COL10A1: variants seen among roughly 807,000 people sequenced by gnomAD.
COL10A1 encodes the protein collagen alpha-1(X) chain.
A neutral mutation model predicts 18.2 loss-of-function variants in COL10A1; 10 were observed. That is an observed-to-expected ratio of 0.55 (90% CI 0.34 to 0.93). The LOEUF (loss-of-function observed/expected upper bound fraction) is 0.93. Among genes scored for constraint, COL10A1 ranks in the 40% least tolerant of loss-of-function variants. COL10A1 has a pLI of 0.02. For missense variants in COL10A1, 897 were observed against 853.5 expected (o/e 1.05, Z -0.64); for synonymous variants, 330 against 316.6 (o/e 1.04, Z -0.45).
chr6:116,163,141 A>AAAAAAATATAT (rs761718922), upstream of COL10A1, among the ~76,000 whole-genome samples: 61 of 88,384 alleles, frequency 6.9e-4, no homozygotes, highest in African/African-American at 2.9e-3. Context: ...AAAAAAAAAA[A>AAAAAAATATAT]ATATATATAT....
intron 1 of COL10A1, among the ~76,000 whole-genome samples, chr6:116,150,761 G>A (rs76154145): frequency 0.012 from 1,823 of 152,156 alleles, 47 homozygotes; most frequent in African/African-American, 0.041. Context: ...ATATAAGGTC[G>A]TAATCTAATA....
At position 116,121,120 on chromosome 6, in the gene COL10A1, C is replaced by G. The variant is rs1465902614; in HGVS notation, c.996G>C (p.Gly332=). 4.3e-6 allele frequency: 7 copies of G among 1,613,602 alleles called. No individual in the cohort carries two copies. The South Asian group carries it at 7.7e-5, about 18-fold the overall frequency. ...CAGGGGGTCCAGTCAGACCTGGCTT[C>G]CCAGGAAGACCTGCTGGCCCTTGTT... is the stretch of plus-strand genomic sequence containing the variant. ...KGEQGPAGLP[G]KPGLTGPPGN... Residue 332 remains glycine (G), a synonymous_variant, in exon 3 of 3, where the codon GGG becomes GGC. Coordinates refer to ENST00000651968, the MANE Select transcript of COL10A1 (RefSeq NM_000493.4).
the COL10A1 span, among the ~76,000 whole-genome samples, chr6:116,199,210 A>G: frequency 3.3e-5 from 5 of 152,096 alleles, no homozygotes; most frequent in Non-Finnish European, 7.4e-5. Flanking sequence ...TTCTAGATAG[A>G]CAAGAGAGTT....
chr6:116,145,690 A>G (rs1254520878), intron 1 of COL10A1, among the ~76,000 whole-genome samples: 1 of 152,220 alleles, frequency 6.6e-6, no homozygotes, highest in African/African-American at 2.4e-5. Context: ...TCAAATTTGT[A>G]TCTTCCATCC....
upstream of COL10A1, among the ~76,000 whole-genome samples, chr6:116,162,678 G>GT (rs1780362944): frequency 6.6e-6 from 1 of 152,132 alleles, no homozygotes; most frequent in African/African-American, 2.4e-5. Flanking sequence ...CAGTTTGCTA[G>GT]TATTTTGTTG....
At chr6:116,202,925 G>T in the COL10A1 span, among the ~76,000 whole-genome samples, 2 of 151,930 alleles carry the variant, frequency 1.3e-5, no homozygotes, top group African/African-American at 4.8e-5. Context: ...TAGGGGTAAT[G>T]TAGTAATGCA....
chr6:116,128,869 G>A (rs960333005), upstream of COL10A1, among the ~76,000 whole-genome samples: 20 of 152,082 alleles, frequency 1.3e-4, no homozygotes, highest in African/African-American at 4.6e-4. Flanking sequence ...TTACCACCTT[G>A]TTAATATTAG....
In COL10A1 at chr6:116,119,845, A is replaced by G. The variant is rs1449760851; in HGVS notation, c.*228T>C. The G allele has an allele frequency of 2.0e-6, 1 of 504,676 alleles. No homozygotes were observed. Among genetic ancestry groups the G allele is most frequent in the African/African-American group, 1.9e-5 (1 of 52,336 alleles). 31.3% of individuals were successfully genotyped at this position (504,676 alleles called of 1,614,324 possible). A position where few individuals can be genotyped will look rare whatever the true frequency, so the allele number is the denominator to read the frequency against. On this transcript the variant is annotated 3_prime_UTR_variant, in exon 3 of 3. Transcript: ENST00000651968. ...ATTTTTTAATATTGGAGAAAACCTT[A>G]AAGAGCCTTAAGATTGCTAACTAGA...
At chr6:116,207,151 A>G in the COL10A1 span, among the ~76,000 whole-genome samples, 1 of 151,974 alleles carries the variant, frequency 6.6e-6, no homozygotes, top group African/African-American at 2.4e-5. Flanking sequence ...ATATCTCTGC[A>G]TTAATAACTA....
At chr6:116,172,317 C>CTT in the COL10A1 span, among the ~76,000 whole-genome samples, 1,001 of 107,976 alleles carry the variant, frequency 9.3e-3, 16 homozygotes, top group Non-Finnish European at 0.01. Flanking sequence ...CCCTTAGTAA[C>CTT]TTTTTTTTTT....
intron 1 of COL10A1, among the ~76,000 whole-genome samples, chr6:116,133,518 A>G (rs774404850): frequency 5.9e-5 from 9 of 152,198 alleles, no homozygotes; most frequent in Non-Finnish European, 1.3e-4. Context: ...AAGTACCTAT[A>G]GGGCACCTGA....
At position 116,120,245 on chromosome 6, in the gene COL10A1, G is replaced by A; in HGVS notation, c.1871C>T (p.Thr624Ile). Residue 624 changes from threonine to isoleucine, a missense_variant, in exon 3 of 3, where the codon ACC (threonine) becomes ATC (isoleucine). Transcript: ENST00000651968. ...GTAGCCTTTGGTGTATTCATCATAG[G>A]TGTACATTACAGGGGTGCCATTCTT... ...LYKNGTPVMYTYDEYTKGYLD... is the reference protein window; with the variant it reads ...LYKNGTPVMYIYDEYTKGYLD... 1 of 1,614,170 alleles carries A rather than the reference G, an allele frequency of 6.2e-7. No individual in the cohort carries two copies. The highest frequency in any genetic ancestry group is 8.5e-7 in the Non-Finnish European group (1 of 1,180,026).
chr6:116,121,078 T>C lies in COL10A1; in HGVS notation c.1038A>G (p.Gln346=). Residue 346 remains glutamine, a synonymous_variant, in exon 3 of 3, where the codon CAA becomes CAG. Coordinates refer to ENST00000651968, the MANE Select transcript of COL10A1 (RefSeq NM_000493.4). ...LTGPPGNMGP[Q]GPKGIPGSHG... ...GGCTACCCGGGATGCCTTTTGGTCC[T>C]TGGGGTCCCATATTCCCAGGGGGTC... 1 of 1,614,034 alleles carries C rather than the reference T, an allele frequency of 6.2e-7. No homozygotes were observed.
At chr6:116,181,733 A>G in the COL10A1 span, among the ~76,000 whole-genome samples, 3 of 152,242 alleles carry the variant, frequency 2.0e-5, no homozygotes, top group African/African-American at 4.8e-5. Context: ...AAAAAAGTGC[A>G]CAAGATTGAG....
the COL10A1 span, among the ~76,000 whole-genome samples, chr6:116,168,909 T>C: frequency 7.3e-4 from 111 of 152,308 alleles, no homozygotes; most frequent in Admixed American, 1.8e-3. Context: ...CTTCAGGCCA[T>C]TGAGAGCTGT....
At position 116,120,271 on chromosome 6, in the gene COL10A1, A is replaced by G. The variant is rs775134952; in HGVS notation, c.1845T>C (p.Tyr615=). The G allele has an allele frequency of 6.2e-6, 10 of 1,614,098 alleles. No individual in the cohort carries two copies. In the South Asian group the frequency reaches 7.7e-5, roughly 12 times the overall value. The stretch of plus-strand genomic sequence containing the variant: ...TGTACATTACAGGGGTGCCATTCTT[A>G]TACAGGCCTACCCAAACATGAGTCC... ...VKGTHVWVGL[Y]KNGTPVMYTY... Residue 615 remains tyrosine (Y), a synonymous_variant, in exon 3 of 3, where the codon TAT becomes TAC. Coordinates refer to ENST00000651968, the MANE Select transcript of COL10A1 (RefSeq NM_000493.4).
At chr6:116,160,181 AAATGCCCAT>A (rs1349769988), upstream of COL10A1, among the ~76,000 whole-genome samples, 1 of 152,130 alleles carries the variant, frequency 6.6e-6, no homozygotes, top group Non-Finnish European at 1.5e-5. Context: ...GTTATTTGAG[AAATGCCCAT>A]AATGTTTTCC....
chr6:116,125,433 A>T lies in COL10A1; in HGVS notation c.60T>A (p.Phe20Leu). ...TGGGCATTTGGTATCGTTCAGCGTA[A>T]AACACTCCATGAACCAAGTTCAAGG... The part of the protein sequence containing the change: ...LVSLNLVHGV[F>L]YAERYQMPTG... Residue 20 changes from phenylalanine to leucine, a missense_variant, in exon 2 of 3, where the codon TTT becomes TTA. By Grantham distance (22) the Phe-to-Leu change is conservative. Transcript: ENST00000651968. 6.2e-7 allele frequency: 1 copy of T among 1,613,904 alleles called. No individual in the cohort carries two copies. Among genetic ancestry groups the T allele is most frequent in the Non-Finnish European group, 8.5e-7 (1 of 1,179,858 alleles).
the COL10A1 span, among the ~76,000 whole-genome samples, chr6:116,168,188 T>C: frequency 6.6e-6 from 1 of 151,810 alleles, no homozygotes; most frequent in Non-Finnish European, 1.5e-5. Context: ...TCTAAAAATA[T>C]TGTTCTGCTC....
Sources: allele counts gnomAD v4.1 joint callset (sites outside exome capture counted in the v4.1 genomes callset), GRCh38; gene constraint gnomAD v4.1.1; transcripts MANE v1.5; gene names NCBI Gene and HGNC (gene_info 2026-07-23, HGNC 2026-07-21).